The following RFX3 variants were observed in gnomAD, a reference collection of about 807,000 sequenced individuals.
RFX3 encodes the protein regulatory factor X3.
A neutral mutation model predicts 98.6 loss-of-function variants in RFX3; 14 were observed. The observed-to-expected ratio is 0.14, with a 90% CI of 0.09 to 0.22. RFX3 has a LOEUF of 0.22. RFX3 is among the 10% of genes least tolerant of loss of function. The probability of loss-of-function intolerance (pLI) is 1.00; values close to 1 mark genes in which losing one functional copy is unlikely to be tolerated. For missense variants in RFX3, 639 were observed against 926.9 expected (o/e 0.69, Z 4.03); for synonymous variants, 383 against 328.4 (o/e 1.17, Z -1.80).
intron 6 of RFX3, 115 bp from the exon 7 acceptor site, chr9:3,288,365 TG>T: frequency 1.3e-6 from 1 of 789,056 alleles, no homozygotes; most frequent in Non-Finnish European, 2.1e-6. Context: ...AGTAAGTTAA[TG>T]TTACATATTT....
intron 1 of RFX3, among the ~76,000 whole-genome samples, chr9:3,507,853 T>G (rs1817255277): frequency 6.6e-6 from 1 of 151,970 alleles, no homozygotes; most frequent in African/African-American, 2.4e-5. Context: ...GCTGGTTGAA[T>G]TCACAAATGC....
At chr9:3,469,673 C>G (rs1310125834) in intron 1 of RFX3, among the ~76,000 whole-genome samples, 1 of 151,982 alleles carries the variant, frequency 6.6e-6, no homozygotes, top group African/African-American at 2.4e-5. Context: ...AGTTAGCTTT[C>G]AAATAATTTT....
intron 1 of RFX3, among the ~76,000 whole-genome samples, chr9:3,401,522 C>G (rs1841469987): frequency 6.6e-6 from 1 of 152,190 alleles, no homozygotes; most frequent in South Asian, 2.1e-4. Flanking sequence ...TCACAGCCTT[C>G]TTTCAAGTGA....
intron 12 of RFX3, among the ~76,000 whole-genome samples, chr9:3,263,676 T>C (rs1176503659): frequency 6.6e-6 from 1 of 152,214 alleles, no homozygotes; most frequent in East Asian, 1.9e-4. Flanking sequence ...TTAGAGTTTC[T>C]TTAAAAGGGC....
intron 7 of RFX3, among the ~76,000 whole-genome samples, chr9:3,284,415 G>A (rs1826306946): frequency 6.6e-6 from 1 of 151,608 alleles, no homozygotes; most frequent in Non-Finnish European, 1.5e-5. Flanking sequence ...GTCAAAAACT[G>A]AAGATTACTT....
At chr9:3,369,224 T>C (rs566324956) in intron 2 of RFX3, among the ~76,000 whole-genome samples, 216 of 152,344 alleles carry the variant, frequency 1.4e-3, no homozygotes, top group Middle Eastern at 0.014. Context: ...GTCTGGATGC[T>C]GGGAATTTCA....
chr9:3,392,523 G>C (rs1840419770), intron 2 of RFX3, among the ~76,000 whole-genome samples: 1 of 151,674 alleles, frequency 6.6e-6, no homozygotes, highest in Non-Finnish European at 1.5e-5. Flanking sequence ...AGTCCGGAAA[G>C]TGAAAAAAAC....
At chr9:3,488,817 AT>A in intron 1 of RFX3, 2 of 985,218 alleles carry the variant, frequency 2.0e-6, no homozygotes. Context: ...GCTTCAGCTT[AT>A]TTCTCTTGAG....
chr9:3,364,039 T>A (rs1181856020), intron 2 of RFX3, among the ~76,000 whole-genome samples: 1 of 152,104 alleles, frequency 6.6e-6, no homozygotes, highest in Non-Finnish European at 1.5e-5. Flanking sequence ...CCATGCCCAA[T>A]TAATTTTTGT....
chr9:3,475,886 T>C (rs1042329305), intron 1 of RFX3, among the ~76,000 whole-genome samples: 13 of 152,090 alleles, frequency 8.5e-5, no homozygotes, highest in African/African-American at 2.9e-4. Flanking sequence ...TGCTAAGTAG[T>C]AGGTGTTTTC....
intron 12 of RFX3, 99 bp from the exon 13 acceptor site, chr9:3,263,183 T>G: frequency 8.2e-7 from 1 of 1,222,778 alleles, no homozygotes; most frequent in South Asian, 1.4e-5. Context: ...TTTAAATGCT[T>G]GCCTCTGACA....
At chr9:3,243,935 G>A (rs1303971820) in intron 15 of RFX3, among the ~76,000 whole-genome samples, 1 of 152,066 alleles carries the variant, frequency 6.6e-6, no homozygotes, top group Non-Finnish European at 1.5e-5. Context: ...ACAATTTAGT[G>A]GTTGTGTGAC....
intron 14 of RFX3, among the ~76,000 whole-genome samples, chr9:3,250,506 G>A (rs79630061): frequency 0.013 from 2,042 of 152,064 alleles, 46 homozygotes; most frequent in African/African-American, 0.047. Flanking sequence ...CTGTCCCTAT[G>A]AATATAAATT....
chr9:3,265,441 A>C (rs1823500378), intron 12 of RFX3, among the ~76,000 whole-genome samples: 1 of 152,082 alleles, frequency 6.6e-6, no homozygotes, highest in Non-Finnish European at 1.5e-5. Flanking sequence ...CAATTGCTCA[A>C]CTCTGCCCCC....
At chr9:3,423,225 C>T (rs1302284839) in intron 1 of RFX3, among the ~76,000 whole-genome samples, 1 of 152,120 alleles carries the variant, frequency 6.6e-6, no homozygotes, top group South Asian at 2.1e-4. Context: ...TCAGGAAGCA[C>T]TTTGAAAGGT....
chr9:3,443,962 A>G (rs1412979719), intron 1 of RFX3, among the ~76,000 whole-genome samples: 1 of 152,228 alleles, frequency 6.6e-6, no homozygotes, highest in Non-Finnish European at 1.5e-5. Context: ...TTCTCATACA[A>G]TGCTGGTTGG....
chr9:3,332,178 A>C (rs764956046), intron 3 of RFX3, among the ~76,000 whole-genome samples: 1 of 152,148 alleles, frequency 6.6e-6, no homozygotes, highest in Non-Finnish European at 1.5e-5. Flanking sequence ...CAGGCTGAGA[A>C]TACCTTATCA....
intron 11 of RFX3, among the ~76,000 whole-genome samples, chr9:3,268,508 C>T (rs1044583840): frequency 2.0e-5 from 3 of 151,552 alleles, no homozygotes; most frequent in African/African-American, 7.3e-5. Context: ...GTATTTTAAG[C>T]TTTACTTTGC....
At chr9:3,397,565 C>G (rs542123554) in intron 1 of RFX3, among the ~76,000 whole-genome samples, 2 of 152,094 alleles carry the variant, frequency 1.3e-5, no homozygotes, top group Non-Finnish European at 2.9e-5. Context: ...ATTTTGTAAA[C>G]GAGGAACCTA....
Sources: allele counts gnomAD v4.1 joint callset (sites outside exome capture counted in the v4.1 genomes callset), GRCh38; gene constraint gnomAD v4.1.1; transcripts MANE v1.5; gene names NCBI Gene and HGNC (gene_info 2026-07-23, HGNC 2026-07-21).